Variants in SHQ1 observed in about 807,000 individuals in gnomAD.
The protein encoded by SHQ1 is SHQ1, H/ACA ribonucleoprotein assembly factor.
A neutral mutation model predicts 53.8 loss-of-function variants in SHQ1; 49 were observed. That is an observed-to-expected ratio of 0.91 (90% CI 0.72 to 1.16). SHQ1 has a LOEUF of 1.16. Ranked by LOEUF, SHQ1 falls within the 50% of genes most tolerant of loss-of-function variation. SHQ1 has a pLI of 0.00. For synonymous variants in SHQ1, 243 were observed against 251.0 expected (o/e 0.97, Z 0.30); for missense variants, 738 against 683.1 (o/e 1.08, Z -0.90).
intron 1 of SHQ1, 89 bp downstream of exon 1, chr3:72,848,109 C>A: frequency 6.6e-7 from 1 of 1,512,090 alleles, no homozygotes; most frequent in Non-Finnish European, 9.1e-7. Flanking sequence ...TTCGCGCAAT[C>A]GAGCACTGCT....
chr3:72,728,488 AT>A, the SHQ1 span, among the ~76,000 whole-genome samples: 1 of 152,208 alleles, frequency 6.6e-6, no homozygotes, highest in Non-Finnish European at 1.5e-5. Flanking sequence ...GAAACAGTTA[AT>A]CTGAAAGGAG....
At chr3:72,744,925 G>C (rs867763713), downstream of SHQ1, among the ~76,000 whole-genome samples, 3,398 of 119,004 alleles carry the variant, frequency 0.029, 77 homozygotes, top group South Asian at 0.05. Context: ...TGATACATTG[G>C]GGGGGGGGGG....
At chr3:72,794,733 C>A (rs1334916557) in intron 9 of SHQ1, 2 of 152,240 alleles carry the variant, frequency 1.3e-5, no homozygotes, top group Non-Finnish European at 2.9e-5. Flanking sequence ...TGTTTCCATG[C>A]CTTTTTCCCT....
the SHQ1 span, among the ~76,000 whole-genome samples, chr3:72,726,414 G>A: frequency 8.5e-5 from 13 of 152,176 alleles, no homozygotes; most frequent in African/African-American, 2.4e-4. Context: ...CAGCAATGGC[G>A]TGATCTTGGC....
chr3:72,848,267 C>T lies in SHQ1; in HGVS notation c.74G>A (p.Arg25Gln), dbSNP rs551809475. 6.2e-7 allele frequency: 1 copy of T among 1,614,158 alleles called. No homozygotes were observed. Among genetic ancestry groups the T allele is most frequent in the African/African-American group, 1.3e-5 (1 of 75,040 alleles). Reference protein sequence around the residue: ...LTIAIRVPYARVSEFDVYFEG... With the variant: ...LTIAIRVPYAQVSEFDVYFEG... ...GAAGTAGACGTCGAACTCGGAGACC[C>T]GGGCGTAGGGCACGCGGATGGCGAT... Residue 25 changes from arginine (R) to glutamine (Q), a missense_variant, in exon 1 of 11, where the codon CGG (arginine) becomes CAG (glutamine). Transcript: ENST00000325599.
intron 10 of SHQ1, chr3:72,772,640 C>T (rs2106741467): frequency 1.4e-6 from 1 of 707,792 alleles, no homozygotes; most frequent in Admixed American, 2.0e-5. Flanking sequence ...CAAAAGGAAA[C>T]AGAAGATGTA....
intron 10 of SHQ1, among the ~76,000 whole-genome samples, chr3:72,787,483 C>T (rs1305703978): frequency 1.3e-5 from 2 of 152,048 alleles, no homozygotes; most frequent in African/African-American, 4.8e-5. Context: ...TCAAAATGTG[C>T]TATGTATTAA....
Position 72,841,185 on chromosome 3 carries a change from G to T in SHQ1, c.346C>A (p.Pro116Thr). 6.2e-7 allele frequency: 1 copy of T among 1,612,182 alleles called. No homozygotes were observed. The highest frequency in any genetic ancestry group is 8.5e-7 in the Non-Finnish European group (1 of 1,179,390). The change falls in exon 4 of 11, where the codon CCT becomes ACT. Residue 116 changes from proline (P) to threonine (T), a missense_variant. Coordinates refer to ENST00000325599, the MANE Select transcript of SHQ1 (RefSeq NM_018130.3). ...LVEEIGASEI[P>T]EEVVDDEEFD... The stretch of plus-strand genomic sequence containing the variant: ...TCTTCATCGTCAACTACTTCCTCAG[G>T]AATCTCAGAAGCACCTGAATGTGTT...
At chr3:72,748,652 C>T (rs1279592399), downstream of SHQ1, among the ~76,000 whole-genome samples, 6 of 152,148 alleles carry the variant, frequency 3.9e-5, no homozygotes, top group Non-Finnish European at 7.4e-5. Context: ...GATCACGCCA[C>T]TGCATGCCAG....
At chr3:72,757,892 G>T (rs1705532168) in intron 10 of SHQ1, among the ~76,000 whole-genome samples, 1 of 152,156 alleles carries the variant, frequency 6.6e-6, no homozygotes, top group South Asian at 2.1e-4. Flanking sequence ...TAATACCTGG[G>T]TGGTGAAAAT....
chr3:72,772,810 A>G, intron 10 of SHQ1: 1 of 766,584 alleles, frequency 1.3e-6, no homozygotes, highest in South Asian at 1.4e-5. Context: ...TTTGGATGCA[A>G]CTGAAAACTC....
chr3:72,739,843 T>C, the SHQ1 span, among the ~76,000 whole-genome samples: 13 of 152,174 alleles, frequency 8.5e-5, no homozygotes, highest in African/African-American at 2.7e-4. Context: ...CACAGTGCAG[T>C]GTAAGCTTAA....
chr3:72,806,148 G>A (rs1312093639), intron 9 of SHQ1, among the ~76,000 whole-genome samples: 1 of 152,122 alleles, frequency 6.6e-6, no homozygotes, highest in Non-Finnish European at 1.5e-5. Flanking sequence ...AGGAGACTGG[G>A]AACATAGACT....
intron 10 of SHQ1, among the ~76,000 whole-genome samples, chr3:72,768,506 C>T (rs1033237840): frequency 7.2e-5 from 11 of 152,342 alleles, no homozygotes; most frequent in Admixed American, 3.3e-4. Flanking sequence ...TTTACTAAAA[C>T]ACACAGAGCG....
chr3:72,730,329 G>A, the SHQ1 span, among the ~76,000 whole-genome samples: 1 of 152,042 alleles, frequency 6.6e-6, no homozygotes, highest in Admixed American at 6.6e-5. Context: ...TGTGCAGGCT[G>A]ATCTTGAATT....
chr3:72,792,929 T>C lies in SHQ1; in HGVS notation c.1168A>G (p.Ile390Val). The C allele has an allele frequency of 6.2e-7, 1 of 1,605,956 alleles. No individual in the cohort carries two copies. The highest frequency in any genetic ancestry group is 8.5e-7 in the Non-Finnish European group (1 of 1,178,230). Reference protein sequence around the residue: ...DLYISDYCVWIQKVKSKKLAA... With the variant: ...DLYISDYCVWVQKVKSKKLAA... ...ATGAAAACTTACTTGACTTTCTGAA[T>C]CCACACACAGTAGTCTGAGATGTAG... The change falls in exon 10 of 11, where the codon ATT becomes GTT. Residue 390 changes from isoleucine (I) to valine (V), a missense_variant. Ile to Val is a conservative substitution (Grantham distance 29, BLOSUM62 3). Transcript: ENST00000325599.
At chr3:72,751,508 G>GTGTATATATATATATATATA (rs1210782182) in intron 10 of SHQ1, among the ~76,000 whole-genome samples, 8 of 116,984 alleles carry the variant, frequency 6.8e-5, no homozygotes, top group African/African-American at 2.7e-4. Flanking sequence ...GTGTGTGTGT[G>GTGTATATATATATATATATA]TATATATATA....
intron 6 of SHQ1, among the ~76,000 whole-genome samples, chr3:72,822,904 C>G (rs148066049): frequency 5.3e-4 from 80 of 152,252 alleles, no homozygotes; most frequent in African/African-American, 1.9e-3. Flanking sequence ...AATCCCAGCA[C>G]TTTGGGAGGC....
the SHQ1 span, among the ~76,000 whole-genome samples, chr3:72,740,226 T>C: frequency 6.6e-6 from 1 of 152,304 alleles, no homozygotes; most frequent in Admixed American, 6.5e-5. Context: ...CAGTGATGAA[T>C]GATTCAGTGT....
Sources: gnomAD v4.1 joint callset for allele counts (sites outside exome capture counted in the v4.1 genomes callset) on GRCh38, gnomAD v4.1.1 for gene constraint, MANE v1.5 for transcripts, NCBI Gene and HGNC (gene_info 2026-07-23, HGNC 2026-07-21) for gene names.